CDK11B: variants seen among roughly 807,000 people sequenced by gnomAD.
CDK11B encodes cyclin dependent kinase 11B.
A neutral mutation model predicts 84.0 loss-of-function variants in CDK11B; 37 were observed. That is an observed-to-expected ratio of 0.44 (90% CI 0.34 to 0.58). The LOEUF is 0.58. CDK11B is among the 20% of genes least tolerant of loss of function. CDK11B has a pLI of 0.02. For synonymous variants in CDK11B, 269 were observed against 309.8 expected, an observed-to-expected ratio of 0.87 and a Z score of 1.38; for missense variants, 427 against 834.0, an observed-to-expected ratio of 0.51 and a Z score of 6.01.
At chr1:1,649,193 G>A (rs1229165449) in intron 5 of CDK11B, among the ~76,000 whole-genome samples, 5 of 152,118 alleles carry the variant, frequency 3.3e-5, no homozygotes, top group East Asian at 3.9e-4. Flanking sequence ...TCCACCTTCC[G>A]GGTTCACGCC....
chr1:1,635,358 T>G lies in CDK11B; in HGVS notation c.*406A>C, dbSNP rs1639154033. 3.2e-5 allele frequency: 2 copies of G among 63,154 alleles called. No individual in the cohort carries two copies. The highest frequency in any genetic ancestry group is 2.8e-5 in the Non-Finnish European group (1 of 35,274). The allele number at this position is 63,154 out of a possible 1,614,324, so 3.9% of individuals were successfully genotyped here. A position where few individuals can be genotyped will look rare whatever the true frequency, so the allele number is the denominator to read the frequency against. On this transcript the variant is annotated 3_prime_UTR_variant, in exon 20 of 20. Coordinates refer to ENST00000341832, the MANE Select transcript of CDK11B (RefSeq NM_033486.3). Reference sequence around the variant, plus strand: ...TGTGGACAGGGCTGGTCTGGACGAGTGGGTTGGGGCAAGAGGGCATCGCTC... The same window carrying G: ...TGTGGACAGGGCTGGTCTGGACGAGGGGGTTGGGGCAAGAGGGCATCGCTC...
chr1:1,637,323 C>T, intron 14 of CDK11B, 85 bp downstream of exon 14: 2 of 1,567,874 alleles, frequency 1.3e-6, no homozygotes, highest in Non-Finnish European at 1.7e-6. Context: ...ATGCAGCTGG[C>T]CCTCCCTGCA....
rs1239219637 is a variant in CDK11B at position 1,641,652 on chromosome 1, G to A, written c.1009+10C>T. 5.1e-6 allele frequency: 7 copies of A among 1,378,726 alleles called. 2 individuals are homozygous for A. In the East Asian group the frequency reaches 9.4e-5, roughly 18 times the overall value. 85.4% of individuals were successfully genotyped at this position (1,378,726 alleles called of 1,614,324 possible). A position where few individuals can be genotyped will look rare whatever the true frequency, so the allele number is the denominator to read the frequency against. The stretch of plus-strand genomic sequence containing the variant: ...TCACAACACCTCACATAGTCGTCGC[G>A]GTGCCTCACCGGCAGACTGCTCTGA... On this transcript the variant is annotated intron_variant, in intron 9 of 19. Coordinates refer to ENST00000341832, the MANE Select transcript of CDK11B (RefSeq NM_033486.3).
At chr1:1,651,425 C>A (rs1255763133) in intron 4 of CDK11B, among the ~76,000 whole-genome samples, 5 of 70,276 alleles carry the variant, frequency 7.1e-5, no homozygotes, top group Admixed American at 3.5e-4. Flanking sequence ...CTCTCTGTAG[C>A]CCCTCTGAAC....
chr1:1,637,882 A>G lies in CDK11B; in HGVS notation c.1344T>C (p.Asp448=). The change falls in exon 13 of 20, where the codon GAT becomes GAC. Residue 448 remains aspartate, a splice_region_variant and synonymous_variant. Transcript: ENST00000341832. Reference sequence around the variant, plus strand: ...TCAGCCGCTTTAGAGCCACAATTTCATCTGTGAAGAAAATACAGACGGCAC... The same window carrying G: ...TCAGCCGCTTTAGAGCCACAATTTCGTCTGTGAAGAAAATACAGACGGCAC... The part of the protein sequence containing the change: ...VVYRAKDKKT[D]EIVALKRLKM... 1.9e-6 allele frequency: 3 copies of G among 1,613,086 alleles called. No individual in the cohort carries two copies. The highest frequency in any genetic ancestry group is 2.5e-6 in the Non-Finnish European group (3 of 1,179,288).
chr1:1,651,096 C>T (rs1344698645), intron 4 of CDK11B, among the ~76,000 whole-genome samples: 1 of 152,150 alleles, frequency 6.6e-6, no homozygotes, highest in Non-Finnish European at 1.5e-5. Context: ...ACATTTCAAT[C>T]GGGCTCCAGG....
At chr1:1,639,959 G>C (rs1640010034) in intron 11 of CDK11B, among the ~76,000 whole-genome samples, 1 of 151,756 alleles carries the variant, frequency 6.6e-6, no homozygotes, top group South Asian at 2.1e-4. Context: ...TCAAGTGGAA[G>C]GCACTGCTCT....
At position 1,640,903 on chromosome 1, in the gene CDK11B, C is replaced by T. The variant is rs569105415; in HGVS notation, c.1075+145G>A. 3.4e-3 allele frequency: 3,123 copies of T among 918,290 alleles called. 11 individuals are homozygous for T. Among genetic ancestry groups the T allele is most frequent in the Middle Eastern group, 6.3e-3 (19 of 2,998 alleles). 56.9% of individuals were successfully genotyped at this position (918,290 alleles called of 1,614,324 possible). A position where few individuals can be genotyped will look rare whatever the true frequency, so the allele number is the denominator to read the frequency against. The stretch of plus-strand genomic sequence containing the variant: ...CCTCGCTGAGGAATGCGGGCCCCAC[C>T]GGCACAGCCTGGAGCGGCCAACGAA... On this transcript the variant is annotated intron_variant, in intron 10 of 19. Transcript: ENST00000341832.
In CDK11B at chr1:1,636,448, C is replaced by T. The variant is rs377152408; in HGVS notation, c.1951G>A (p.Gly651Ser). The change falls in exon 18 of 20, where the codon GGC (glycine) becomes AGC (serine). Residue 651 changes from glycine (G) to serine (S), a missense_variant. Around this residue, in one of 12 missense-constraint regions of CDK11B, gnomAD observed 170 missense variants for 196.0 expected, o/e 0.87. Coordinates refer to ENST00000341832, the MANE Select transcript of CDK11B (RefSeq NM_033486.3). ...LGTPSEKIWP[G>S]YSELPAVKKM... The stretch of plus-strand genomic sequence containing the variant: ...TTGACTGCTGGGAGCTCGCTGTAGC[C>T]GGGCCAGATTTTCTCACTAGGGGTC... 88 of 1,612,858 alleles carry T rather than the reference C, an allele frequency of 5.5e-5. No homozygotes were observed. Among genetic ancestry groups the T allele is most frequent in the Admixed American group, 6.7e-5 (4 of 59,836 alleles).
chr1:1,638,821 C>T (rs1395526907), intron 11 of CDK11B, among the ~76,000 whole-genome samples: 2 of 151,948 alleles, frequency 1.3e-5, no homozygotes, highest in African/African-American at 4.8e-5. Context: ...GCCATCCCAG[C>T]CAGGTGCAAG....
At chr1:1,650,856 G>A (rs1423349092) in intron 4 of CDK11B, among the ~76,000 whole-genome samples, 43 of 151,796 alleles carry the variant, frequency 2.8e-4, no homozygotes, top group Admixed American at 9.2e-4. Context: ...TGCAGTAAGC[G>A]TCTAATTATG....
In CDK11B at chr1:1,650,067, G is replaced by A. The variant is rs1389741152; in HGVS notation, c.356-430C>T. 3.6e-4 allele frequency among the ~76,000 whole-genome samples: 54 copies of A among 148,956 alleles called. 1 individual carries two copies. The highest frequency in any genetic ancestry group is 7.1e-3 in the Middle Eastern group (2 of 282). ...GGTGGGCGGATCACAAGGTCAGATC[G>A]GGACCATCCTGGCTAACACGGTGAA... is the stretch of plus-strand genomic sequence containing the variant. On this transcript the variant is annotated intron_variant, in intron 4 of 19. Coordinates refer to ENST00000341832, the MANE Select transcript of CDK11B (RefSeq NM_033486.3).
intron 4 of CDK11B, among the ~76,000 whole-genome samples, 155 bp from the exon 5 acceptor site, chr1:1,649,792 T>C (rs1248223960): frequency 8.0e-5 from 12 of 150,416 alleles, no homozygotes; most frequent in Admixed American, 4.6e-4. Context: ...CTGGCCAACA[T>C]GGTGAAACCC....
At chr1:1,650,407 C>A (rs1469486686) in intron 4 of CDK11B, among the ~76,000 whole-genome samples, 2 of 141,386 alleles carry the variant, frequency 1.4e-5, no homozygotes, top group Admixed American at 1.4e-4. Context: ...GCTCTGTCGC[C>A]CAGGCTGGAG....
intron 5 of CDK11B, among the ~76,000 whole-genome samples, chr1:1,648,935 G>C (rs1297244596): frequency 6.6e-6 from 1 of 151,690 alleles, no homozygotes; most frequent in Non-Finnish European, 1.5e-5. Flanking sequence ...CGCCCGGCCG[G>C]ACATGCAGAT....
At position 1,636,806 on chromosome 1, in the gene CDK11B, G is replaced by A. The variant is rs761718382; in HGVS notation, c.1801-8C>T. 3.1e-6 allele frequency: 5 copies of A among 1,613,724 alleles called. No homozygotes were observed. Among genetic ancestry groups the A allele is most frequent in the African/African-American group, 1.3e-5 (1 of 74,924 alleles). On this transcript the variant is annotated splice_region_variant and splice_polypyrimidine_tract_variant and intron_variant, in intron 16 of 19. Coordinates refer to ENST00000341832, the MANE Select transcript of CDK11B (RefSeq NM_033486.3). ...CACGGCCGTGGAGTATTCCTAAGAG[G>A]TCAGGAGAGGTGTTCAGGAGGGCCA...
intron 2 of CDK11B, among the ~76,000 whole-genome samples, chr1:1,656,514 C>T (rs776880027): frequency 4.6e-5 from 7 of 151,208 alleles, no homozygotes; most frequent in East Asian, 2.0e-4. Flanking sequence ...AGGCCGGGCG[C>T]GGAGGCTCAT....
chr1:1,651,636 T>C (rs1642021020), intron 4 of CDK11B, among the ~76,000 whole-genome samples: 2 of 151,372 alleles, frequency 1.3e-5, no homozygotes, highest in South Asian at 2.1e-4. Flanking sequence ...GAGTTTGCTC[T>C]GTATAGCCCT....
rs1212853097 is a variant in CDK11B at position 1,637,297 on chromosome 1, AG to A, written c.1571-96del. On this transcript the variant is annotated intron_variant, in intron 14 of 19. Transcript: ENST00000341832. Reference sequence around the variant, plus strand: ...GCCTCGGCAGCAACAGAGGCTTCTCAGGGCTTTCCCTGTGGATGCAGCTGGC... The same window carrying A: ...GCCTCGGCAGCAACAGAGGCTTCTCAGGCTTTCCCTGTGGATGCAGCTGGC... 15 of 1,571,778 alleles carry A rather than the reference AG, an allele frequency of 9.5e-6. No homozygotes were observed. In the East Asian group the frequency reaches 3.3e-4, roughly 35 times the overall value.
Sources: gnomAD v4.1 joint callset for allele counts (sites outside exome capture counted in the v4.1 genomes callset) on GRCh38, gnomAD v4.1.1 for gene constraint, gnomAD v4.1.1 regional missense constraint, MANE v1.5 for transcripts, NCBI Gene and HGNC (gene_info 2026-07-23, HGNC 2026-07-21) for gene names.